DMXL2: variants seen among roughly 807,000 people sequenced by gnomAD.
DMXL2 encodes Dmx like 2, also known as dmX-like protein 2.
Under a neutral mutation model 331.1 loss-of-function variants are expected in DMXL2, and 103 were observed. That is an observed-to-expected ratio of 0.31 (90% CI 0.27 to 0.37). The LOEUF (loss-of-function observed/expected upper bound fraction) is 0.37, where lower values mean the gene tolerates loss of function less well. Ranked by LOEUF, DMXL2 falls within the 10% of genes least tolerant of loss-of-function variation. DMXL2 has a pLI of 1.00. For synonymous variants in DMXL2, 1,281 were observed against 1,252.1 expected (o/e 1.02, Z -0.49); for missense variants, 3,171 against 3,642.9 (o/e 0.87, Z 3.33).
intron 19 of DMXL2, 82 bp from the exon 20 acceptor site, chr15:51,491,829 A>G (rs200347749): frequency 1.7e-6 from 2 of 1,188,620 alleles, no homozygotes; most frequent in East Asian, 5.3e-5. Flanking sequence ...TCACATACGC[A>G]TTCATTTTGG....
In DMXL2 at chr15:51,463,390, T is replaced by G. The variant is rs1337338816; in HGVS notation, c.7915A>C (p.Lys2639Gln). The part of the protein sequence containing the change: ...FIRYIFTKKR[K>Q]QSESIEEHVE... ...TTTTCTCAAAATACCTCACTCTGCT[T>G]TCTTTTCTTAGTGAAAATATATCTA... Residue 2639 changes from lysine to glutamine, a missense_variant, in exon 33 of 44, where the codon AAG (lysine) becomes CAG (glutamine). Transcript: ENST00000560891. 1.3e-6 allele frequency: 2 copies of G among 1,546,926 alleles called. No homozygotes were observed. Among genetic ancestry groups the G allele is most frequent in the Non-Finnish European group, 1.8e-6 (2 of 1,132,702 alleles).
At chr15:51,608,464 G>C (rs1332446822) in intron 1 of DMXL2, among the ~76,000 whole-genome samples, 1 of 152,204 alleles carries the variant, frequency 6.6e-6, no homozygotes. Flanking sequence ...TATGTAGTTG[G>C]AGGCCATTAT....
At chr15:51,608,194 A>T (rs924746953) in intron 1 of DMXL2, among the ~76,000 whole-genome samples, 15 of 151,864 alleles carry the variant, frequency 9.9e-5, no homozygotes, top group African/African-American at 3.6e-4. Flanking sequence ...CAAAAAAAAA[A>T]GAATGAAACA....
intron 41 of DMXL2, among the ~76,000 whole-genome samples, chr15:51,451,920 C>G (rs1290913156): frequency 6.6e-6 from 1 of 152,178 alleles, no homozygotes; most frequent in Non-Finnish European, 1.5e-5. Flanking sequence ...TCTACCCCAT[C>G]TCCTTTCCAT....
intron 1 of DMXL2, among the ~76,000 whole-genome samples, chr15:51,606,409 G>T (rs1175542910): frequency 6.6e-6 from 1 of 152,140 alleles, no homozygotes; most frequent in Non-Finnish European, 1.5e-5. Flanking sequence ...TGACCAGGCT[G>T]GTCTCGAACT....
chr15:51,588,915 G>A (rs2052071010), intron 1 of DMXL2, among the ~76,000 whole-genome samples: 2 of 152,144 alleles, frequency 1.3e-5, no homozygotes. Context: ...TTCTGTGGCT[G>A]TACACAAATT....
chr15:51,589,298 CAAGA>C (rs2052108531), intron 1 of DMXL2, among the ~76,000 whole-genome samples: 1 of 152,340 alleles, frequency 6.6e-6, no homozygotes, highest in East Asian at 1.9e-4. Flanking sequence ...TGCCCAAAGA[CAAGA>C]AAGACCTGTA....
Position 51,563,454 on chromosome 15 carries a change from AAGAG to A in DMXL2, c.501-11_501-8del. ...ATGTACAGATACTGAGGTTCTAAAA[AAGAG>A]AGAGTTAGGCAATTAGCCCTTTTAA... is the stretch of plus-strand genomic sequence containing the variant. On this transcript the variant is annotated splice_region_variant and splice_polypyrimidine_tract_variant and intron_variant, in intron 5 of 43. Transcript: ENST00000560891. 2 of 1,598,778 alleles carry A rather than the reference AAGAG, an allele frequency of 1.3e-6. No homozygotes were observed. The highest frequency in any genetic ancestry group is 1.7e-6 in the Non-Finnish European group (2 of 1,173,250).
rs561558809 is a variant in DMXL2 at position 51,543,635 on chromosome 15, T to C, written c.931-1128A>G. 5.9e-5 allele frequency among the ~76,000 whole-genome samples: 9 copies of C among 152,220 alleles called. No individual in the cohort carries two copies. In the East Asian group the frequency reaches 1.7e-3, roughly 29 times the overall value. Reference sequence around the variant, plus strand: ...AAACAAAACATATAACTTAAGAATATATACAATTATATAGAACTAACAGTA... The same window carrying C: ...AAACAAAACATATAACTTAAGAATACATACAATTATATAGAACTAACAGTA... On this transcript the variant is annotated intron_variant, in intron 8 of 43. Coordinates refer to ENST00000560891, the MANE Select transcript of DMXL2 (RefSeq NM_001378457.1).
At chr15:51,457,545 AC>A in intron 36 of DMXL2, 79 bp from the exon 37 acceptor site, 1 of 1,468,126 alleles carries the variant, frequency 6.8e-7, no homozygotes, top group Non-Finnish European at 9.3e-7. Context: ...CTTCTTATGT[AC>A]CCATAGGACA....
intron 1 of DMXL2, among the ~76,000 whole-genome samples, chr15:51,601,532 C>A (rs1340730181): frequency 6.6e-6 from 1 of 152,106 alleles, no homozygotes; most frequent in East Asian, 1.9e-4. Flanking sequence ...AAAGATCAAC[C>A]ATCCTGTTAC....
intron 26 of DMXL2, among the ~76,000 whole-genome samples, chr15:51,477,213 A>T (rs1350742547): frequency 2.0e-5 from 3 of 152,074 alleles, no homozygotes; most frequent in Non-Finnish European, 4.4e-5. Context: ...AATGTCCCTA[A>T]ATATTATTTA....
At chr15:51,558,176 C>T (rs1240510825) in intron 6 of DMXL2, among the ~76,000 whole-genome samples, 2 of 152,158 alleles carry the variant, frequency 1.3e-5, no homozygotes, top group Admixed American at 6.5e-5. Flanking sequence ...GTAAGGAACA[C>T]GATGCAAGTG....
intron 13 of DMXL2, among the ~76,000 whole-genome samples, chr15:51,525,781 A>G (rs1485259465): frequency 6.6e-6 from 1 of 152,040 alleles, no homozygotes; most frequent in East Asian, 1.9e-4. Context: ...GCCACAGTAC[A>G]ATAGAACACC....
In DMXL2 at chr15:51,499,898, C is replaced by A. The variant is rs1215053003; in HGVS notation, c.3326G>T (p.Cys1109Phe). ...EFSMHVCIFE[C>F]ESTGGSEWVL... ...CCACTCTGATCCTCCTGTAGATTCA[C>A]ATTCAAATATACAAACATGCATGGA... The change falls in exon 18 of 44, where the codon TGT becomes TTT. Residue 1109 changes from cysteine (C) to phenylalanine (F), a missense_variant. Around this residue, in one of 7 missense-constraint regions of DMXL2, gnomAD observed 1,674 missense variants for 1,780.2 expected, o/e 0.94. Transcript: ENST00000560891. 2 of 1,614,028 alleles carry A rather than the reference C, an allele frequency of 1.2e-6. No individual in the cohort carries two copies. The highest frequency in any genetic ancestry group is 1.7e-6 in the Non-Finnish European group (2 of 1,180,022).
chr15:51,527,285 T>G (rs2047728511), intron 13 of DMXL2, among the ~76,000 whole-genome samples: 1 of 151,964 alleles, frequency 6.6e-6, no homozygotes, highest in East Asian at 1.9e-4. Flanking sequence ...GAAGAGTGTA[T>G]CTAGTAAAAA....
Position 51,471,402 on chromosome 15 carries a change from C to A in DMXL2, c.7214-1G>T, listed in dbSNP as rs2041095504. The stretch of plus-strand genomic sequence containing the variant: ...ATGTCTTCAGAAAGGACAGGAGGTG[C>A]TAAATGAAGATAGAAGGAAAAAAAA... On this transcript the variant is annotated splice_acceptor_variant, in intron 28 of 43. Transcript: ENST00000560891. LOFTEE classifies it high-confidence loss of function. The A allele has an allele frequency of 1.9e-6, 3 of 1,574,506 alleles. No homozygotes were observed. The highest frequency in any genetic ancestry group is 2.6e-6 in the Non-Finnish European group (3 of 1,158,230).
At chr15:51,457,539 T>G in intron 36 of DMXL2, 73 bp from the exon 37 acceptor site, 1 of 1,532,948 alleles carries the variant, frequency 6.5e-7, no homozygotes, top group Admixed American at 1.8e-5. Context: ...AAAAATCTTC[T>G]TATGTACCCA....
At chr15:51,593,772 C>T (rs1012107868) in intron 1 of DMXL2, among the ~76,000 whole-genome samples, 82 of 152,234 alleles carry the variant, frequency 5.4e-4, no homozygotes, top group African/African-American at 1.9e-3. Flanking sequence ...CACTCAAAAC[C>T]GCTCAACTAC....
Sources: gnomAD v4.1 joint callset for allele counts (sites outside exome capture counted in the v4.1 genomes callset) on GRCh38, gnomAD v4.1.1 for gene constraint, gnomAD v4.1.1 regional missense constraint, MANE v1.5 for transcripts, NCBI Gene and HGNC (gene_info 2026-07-23, HGNC 2026-07-21) for gene names.